SUGCT: variants seen among roughly 807,000 people sequenced by gnomAD.
SUGCT encodes succinyl-CoA:glutarate-CoA transferase.
SUGCT carries 41 observed loss-of-function variants against 55.0 expected under a neutral mutation model. That is an observed-to-expected ratio of 0.74 (90% CI 0.58 to 0.97). SUGCT has a LOEUF of 0.97. Among genes scored for constraint, SUGCT ranks in the 50% least tolerant of loss-of-function variants. The pLI, the probability that SUGCT is intolerant of heterozygous loss-of-function variation, is 0.00. For synonymous variants in SUGCT, 187 were observed against 200.4 expected, an observed-to-expected ratio of 0.93 and a Z score of 0.56; for missense variants, 568 against 547.8, an observed-to-expected ratio of 1.04 and a Z score of -0.37.
the SUGCT span, among the ~76,000 whole-genome samples, chr7:40,869,726 C>T: frequency 6.6e-6 from 1 of 152,004 alleles, no homozygotes; most frequent in African/African-American, 2.4e-5. Context: ...ATTTAGTTGT[C>T]ATTTTTTCTT....
chr7:40,189,449 T>G, intron 4 of SUGCT, 95 bp from the exon 5 acceptor site: 1 of 250,948 alleles, frequency 4.0e-6, no homozygotes, highest in Non-Finnish European at 7.7e-6. Context: ...CATGTGCATG[T>G]TTGTTATGTG....
At chr7:40,425,300 CA>C (rs1385072782) in intron 9 of SUGCT, among the ~76,000 whole-genome samples, 1 of 152,008 alleles carries the variant, frequency 6.6e-6, no homozygotes, top group Non-Finnish European at 1.5e-5. Flanking sequence ...TCTTCTATTC[CA>C]GACCATTTTC....
chr7:41,029,165 G>A, the SUGCT span, among the ~76,000 whole-genome samples: 7 of 152,150 alleles, frequency 4.6e-5, no homozygotes, highest in Non-Finnish European at 8.8e-5. Context: ...CATGCAGTGC[G>A]ATGACCTGAA....
At chr7:40,482,125 T>C (rs1419152270) in intron 11 of SUGCT, among the ~76,000 whole-genome samples, 2 of 152,188 alleles carry the variant, frequency 1.3e-5, no homozygotes, top group East Asian at 3.8e-4. Context: ...AGATCATGTA[T>C]AGAGCTGTAT....
intron 1 of SUGCT, among the ~76,000 whole-genome samples, chr7:40,139,784 CT>C (rs1157251610): frequency 1.3e-5 from 2 of 152,118 alleles, no homozygotes; most frequent in African/African-American, 2.4e-5. Context: ...CTTTTGAGGT[CT>C]CAGTCATGAA....
At chr7:40,717,664 A>T (rs963881174) in intron 12 of SUGCT, among the ~76,000 whole-genome samples, 32 of 152,342 alleles carry the variant, frequency 2.1e-4, no homozygotes, top group African/African-American at 4.1e-4. Flanking sequence ...AACGCACAGA[A>T]ATCAGTGATT....
intron 12 of SUGCT, among the ~76,000 whole-genome samples, chr7:40,524,092 TA>T (rs911406308): frequency 2.6e-5 from 4 of 151,724 alleles, no homozygotes; most frequent in African/African-American, 9.7e-5. Context: ...GGTTGGCAGT[TA>T]AAAAAAATGT....
At chr7:40,885,238 G>A in the SUGCT span, among the ~76,000 whole-genome samples, 1 of 151,988 alleles carries the variant, frequency 6.6e-6, no homozygotes, top group African/African-American at 2.4e-5. Context: ...ATGATTCAAC[G>A]GTCCTCCAAG....
chr7:40,451,035 A>G lies in SUGCT; in HGVS notation c.888+1677A>G, dbSNP rs74765469. ...CTCTGAGTAAGTGTAGGGAAAATCG[A>G]TTCAAACATTTGATCTGGGATCAAA... On this transcript the variant is annotated intron_variant, in intron 10 of 13. Coordinates refer to ENST00000335693, the MANE Select transcript of SUGCT (RefSeq NM_001193313.2). Among the ~76,000 whole-genome samples, 1,361 of 151,766 alleles carry G rather than the reference A, an allele frequency of 9.0e-3. 22 individuals carry two copies. Among genetic ancestry groups the G allele is most frequent in the African/African-American group, 0.031 (1,269 of 41,390 alleles).
the SUGCT span, among the ~76,000 whole-genome samples, chr7:41,000,006 G>T: frequency 6.6e-6 from 1 of 152,132 alleles, no homozygotes; most frequent in East Asian, 1.9e-4. Context: ...CAGTCCCATT[G>T]AACAGGCCTT....
intron 8 of SUGCT, among the ~76,000 whole-genome samples, chr7:40,275,530 T>C (rs750563577): frequency 2.0e-5 from 3 of 152,226 alleles, no homozygotes; most frequent in Non-Finnish European, 4.4e-5. Flanking sequence ...GCATAAGTGG[T>C]ATTTCATGGT....
the SUGCT span, among the ~76,000 whole-genome samples, chr7:40,932,500 A>T: frequency 6.6e-6 from 1 of 152,146 alleles, no homozygotes; most frequent in Admixed American, 6.5e-5. Context: ...TGTCTCATTG[A>T]TCCGTCTAAT....
chr7:40,333,970 T>A (rs1796515426), intron 9 of SUGCT, among the ~76,000 whole-genome samples: 1 of 151,992 alleles, frequency 6.6e-6, no homozygotes, highest in South Asian at 2.1e-4. Flanking sequence ...TTCTCATTGT[T>A]CAATTCCCAC....
chr7:40,240,419 A>G (rs1204301103), intron 7 of SUGCT, among the ~76,000 whole-genome samples: 10 of 151,986 alleles, frequency 6.6e-5, no homozygotes, highest in African/African-American at 2.4e-4. Flanking sequence ...GGAGGCAGGG[A>G]TTGCAGTGAG....
intron 7 of SUGCT, among the ~76,000 whole-genome samples, chr7:40,245,601 G>A (rs1178433294): frequency 2.7e-5 from 4 of 147,756 alleles, no homozygotes; most frequent in Non-Finnish European, 3.0e-5. Context: ...CACCACGCCC[G>A]GCTAATTTTT....
chr7:40,347,564 A>T (rs1797383749), intron 9 of SUGCT, among the ~76,000 whole-genome samples: 1 of 152,232 alleles, frequency 6.6e-6, no homozygotes, highest in South Asian at 2.1e-4. Flanking sequence ...AAGCACAAAG[A>T]TACTAGAGTT....
chr7:40,262,478 C>T (rs938798191), intron 7 of SUGCT, among the ~76,000 whole-genome samples: 38 of 135,758 alleles, frequency 2.8e-4, no homozygotes, highest in African/African-American at 9.0e-4. Flanking sequence ...GTGAAACCCC[C>T]GTCTCTACCG....
the SUGCT span, among the ~76,000 whole-genome samples, chr7:40,880,247 AC>A: frequency 1.3e-5 from 2 of 152,224 alleles, no homozygotes; most frequent in Non-Finnish European, 2.9e-5. Flanking sequence ...TTTCCTGGAA[AC>A]CAGAGGAAAG....
chr7:40,386,969 A>T (rs1785161324), intron 9 of SUGCT, among the ~76,000 whole-genome samples: 1 of 152,108 alleles, frequency 6.6e-6, no homozygotes, highest in African/African-American at 2.4e-5. Flanking sequence ...CTCTCACACC[A>T]ATGCAGTGGC....
Sources: allele counts gnomAD v4.1 joint callset (sites outside exome capture counted in the v4.1 genomes callset), GRCh38; gene constraint gnomAD v4.1.1; transcripts MANE v1.5; gene names NCBI Gene and HGNC (gene_info 2026-07-23, HGNC 2026-07-21).